The following ZNF510 variants were observed in gnomAD, a reference collection of about 807,000 sequenced individuals.
ZNF510 encodes the protein zinc finger protein 510.
ZNF510 carries 15 observed loss-of-function variants against 18.1 expected under a neutral mutation model. The observed-to-expected ratio is 0.83, with a 90% CI of 0.55 to 1.28. The LOEUF (loss-of-function observed/expected upper bound fraction) is 1.28. ZNF510 is among the 50% of genes most tolerant of loss of function. The pLI, the probability that ZNF510 is intolerant of heterozygous loss-of-function variation, is 0.00. For synonymous variants in ZNF510, 261 were observed against 266.4 expected (o/e 0.98, Z 0.20); for missense variants, 724 against 791.8 (o/e 0.91, Z 1.03).
intron 3 of ZNF510, among the ~76,000 whole-genome samples, chr9:96,768,672 A>G (rs73656960): frequency 0.01 from 1,527 of 152,314 alleles, 26 homozygotes; most frequent in African/African-American, 0.035. Context: ...ACTAGAAAAC[A>G]CTGCTAGAAG....
At chr9:96,764,980 G>A (rs1849436976) in intron 3 of ZNF510, among the ~76,000 whole-genome samples, 1 of 150,694 alleles carries the variant, frequency 6.6e-6, no homozygotes, top group Non-Finnish European at 1.5e-5. Context: ...GGGTGTGGTG[G>A]TGAGTGCCTG....
chr9:96,763,440 T>C lies in ZNF510; in HGVS notation c.256+66A>G, dbSNP rs1272525102. ...ACTTTAAGTAAATTGTTCACATGTA[T>C]TGGCACTTAAAAAAGAAATACCTTC... On this transcript the variant is annotated intron_variant, in intron 4 of 5. Coordinates refer to ENST00000223428, the MANE Select transcript of ZNF510 (RefSeq NM_014930.3). 10 of 1,518,590 alleles carry C rather than the reference T, an allele frequency of 6.6e-6. No individual in the cohort carries two copies. In the South Asian group the frequency reaches 1.0e-4, roughly 16 times the overall value. The allele number at this position is 1,518,590 out of a possible 1,614,324, so 94.1% of individuals were successfully genotyped here. A position where few individuals can be genotyped will look rare whatever the true frequency, so the allele number is the denominator to read the frequency against.
intron 3 of ZNF510, 147 bp downstream of exon 3, chr9:96,774,641 C>T: frequency 1.5e-6 from 1 of 669,584 alleles, no homozygotes; most frequent in South Asian, 2.5e-5. Flanking sequence ...CTCCATCTTT[C>T]CACATGCCAA....
chr9:96,758,722 A>G lies in ZNF510; in HGVS notation c.*56T>C. The G allele has an allele frequency of 3.3e-6, 5 of 1,499,440 alleles. No individual in the cohort carries two copies. The highest frequency in any genetic ancestry group is 4.5e-6 in the Non-Finnish European group (5 of 1,123,552). 92.9% of individuals were successfully genotyped at this position (1,499,440 alleles called of 1,614,324 possible). On this transcript the variant is annotated 3_prime_UTR_variant, in exon 6 of 6. Transcript: ENST00000223428. ...ACTACCCTCAATTGGTTTTTTGTGT[A>G]TCTCTGATATCAAATGGGGTATTCC...
At chr9:96,764,430 G>T (rs1849422650) in intron 3 of ZNF510, among the ~76,000 whole-genome samples, 2 of 152,326 alleles carry the variant, frequency 1.3e-5, no homozygotes, top group Admixed American at 6.5e-5. Flanking sequence ...GGGATTATAA[G>T]TGTGAGTCAC....
chr9:96,759,879 G>A lies in ZNF510; in HGVS notation c.951C>T (p.Ser317=). 2.5e-6 allele frequency: 4 copies of A among 1,613,234 alleles called. No homozygotes were observed. Among genetic ancestry groups the A allele is most frequent in the Non-Finnish European group, 3.4e-6 (4 of 1,179,958 alleles). The change falls in exon 6 of 6, where the codon TCC becomes TCT. Residue 317 remains serine, a synonymous_variant. Coordinates refer to ENST00000223428, the MANE Select transcript of ZNF510 (RefSeq NM_014930.3). ...KHLHLNQCGK[S]FEKSTVEEYN... ...ATTCCTCCACAGTTGACTTCTCAAA[G>A]GATTTCCCACATTGATTAAGATGCA...
rs763517302 is a variant in ZNF510 at position 96,763,140 on chromosome 9, T to C, written c.330A>G (p.Glu110=). The C allele has an allele frequency of 6.2e-6, 10 of 1,613,968 alleles. No individual in the cohort carries two copies. The highest frequency in any genetic ancestry group is 1.7e-5 in the Admixed American group (1 of 60,000). Residue 110 remains glutamate, a synonymous_variant, in exon 5 of 6, where the codon GAA becomes GAG. Transcript: ENST00000223428. ...CACTTGGGTGACTCTGGTTTGAGAA[T>C]TCCTCCTCTGAGAACCAAGGCTCCT... The part of the protein sequence containing the change: ...QGEEPWFSEE[E]FSNQSHPKDY...
chr9:96,762,727 T>C (rs1228599765), intron 5 of ZNF510, among the ~76,000 whole-genome samples: 3 of 152,182 alleles, frequency 2.0e-5, no homozygotes, highest in Admixed American at 1.3e-4. Context: ...ACTAATGAGA[T>C]TGAACACATT....
At chr9:96,761,156 C>CG (rs1849338560) in intron 5 of ZNF510, among the ~76,000 whole-genome samples, 2 of 152,140 alleles carry the variant, frequency 1.3e-5, no homozygotes, top group Non-Finnish European at 2.9e-5. Flanking sequence ...ATGCAACTAA[C>CG]TTAGATGCAC....
At chr9:96,761,189 C>T (rs1007546031) in intron 5 of ZNF510, among the ~76,000 whole-genome samples, 2 of 152,146 alleles carry the variant, frequency 1.3e-5, no homozygotes, top group Admixed American at 1.3e-4. Flanking sequence ...GCTGTCATAG[C>T]ATTGATTTAT....
At chr9:96,771,402 T>C (rs577219285) in intron 3 of ZNF510, among the ~76,000 whole-genome samples, 2 of 148,020 alleles carry the variant, frequency 1.4e-5, no homozygotes, top group Admixed American at 6.7e-5. Flanking sequence ...GAAGCAAGAA[T>C]AGCCATCTGA....
At position 96,759,449 on chromosome 9, in the gene ZNF510, T is replaced by C. The variant is rs1184603457; in HGVS notation, c.1381A>G (p.Lys461Glu). The change falls in exon 6 of 6, where the codon AAA becomes GAA. Residue 461 changes from lysine to glutamate, a missense_variant. Physicochemically the swap from Lys to Glu is moderately conservative, Grantham distance 56. Transcript: ENST00000223428. Reference protein sequence around the residue: ...QRIHTAEKPYKCNECGKTFVQ... With the variant: ...QRIHTAEKPYECNECGKTFVQ... ...AATGTTTTTCCACATTCATTACATTTATAGGGTTTTTCTGCTGTATGAATT... is the reference window on the plus strand; with the variant it reads ...AATGTTTTTCCACATTCATTACATTCATAGGGTTTTTCTGCTGTATGAATT... 10 of 1,613,984 alleles carry C rather than the reference T, an allele frequency of 6.2e-6. No individual in the cohort carries two copies. Among genetic ancestry groups the C allele is most frequent in the Non-Finnish European group, 8.5e-6 (10 of 1,179,996 alleles).
intron 3 of ZNF510, among the ~76,000 whole-genome samples, chr9:96,771,018 C>T (rs1277222374): frequency 1.3e-5 from 2 of 152,150 alleles, no homozygotes; most frequent in Admixed American, 6.5e-5. Context: ...ACAAGAAAAA[C>T]TCCAATGCTA....
Position 96,758,852 on chromosome 9 carries a change from C to T in ZNF510, c.1978G>A (p.Glu660Lys). 6.2e-7 allele frequency: 1 copy of T among 1,613,846 alleles called. No individual in the cohort carries two copies. The highest frequency in any genetic ancestry group is 8.5e-7 in the Non-Finnish European group (1 of 1,179,884). ...GACTTCTTACATAATTTCCCATATT[C>T]ATTGCATTCATAAGATTTCTCCCCA... ...HSGEKSYECN[E>K]YGKLCKKSTL... The change falls in exon 6 of 6, where the codon GAA (glutamate) becomes AAA (lysine). Residue 660 changes from glutamate (E) to lysine (K), a missense_variant. Glu to Lys is a moderately conservative substitution (Grantham distance 56). Coordinates refer to ENST00000223428, the MANE Select transcript of ZNF510 (RefSeq NM_014930.3).
chr9:96,764,632 AAAT>A (rs537107587), intron 3 of ZNF510, among the ~76,000 whole-genome samples: 1 of 152,198 alleles, frequency 6.6e-6, no homozygotes, highest in Non-Finnish European at 1.5e-5. Context: ...TCTCTGGACT[AAAT>A]AATAGTATTA....
At chr9:96,768,532 C>T (rs1849522613) in intron 3 of ZNF510, among the ~76,000 whole-genome samples, 1 of 152,046 alleles carries the variant, frequency 6.6e-6, no homozygotes, top group Admixed American at 6.5e-5. Context: ...GATGAACACA[C>T]AAGAATCATT....
chr9:96,758,755 A>G lies in ZNF510; in HGVS notation c.*23T>C. On this transcript the variant is annotated 3_prime_UTR_variant, in exon 6 of 6. Coordinates refer to ENST00000223428, the MANE Select transcript of ZNF510 (RefSeq NM_014930.3). ...TATCAAATGGGGTATTCCTTTTGTC[A>G]AAAGGATTTTCTAGTTATTACATCA... 1 of 1,529,674 alleles carries G rather than the reference A, an allele frequency of 6.5e-7. No individual in the cohort carries two copies. The highest frequency in any genetic ancestry group is 8.8e-7 in the Non-Finnish European group (1 of 1,142,134). The allele number at this position is 1,529,674 out of a possible 1,614,324, so 94.8% of individuals were successfully genotyped here. A position where few individuals can be genotyped will look rare whatever the true frequency, so the allele number is the denominator to read the frequency against.
intron 3 of ZNF510, among the ~76,000 whole-genome samples, chr9:96,764,790 A>G (rs1654325606): frequency 6.6e-6 from 1 of 152,180 alleles, no homozygotes; most frequent in South Asian, 2.1e-4. Context: ...TATCATATAC[A>G]GTAGACTTTA....
At position 96,755,958 on chromosome 9, in the gene ZNF510, T is replaced by G. The variant is rs1197904476; in HGVS notation, c.*2820A>C. 2 of 152,158 alleles carry G rather than the reference T, an allele frequency of 1.3e-5. No homozygotes were observed. The highest frequency in any genetic ancestry group is 4.8e-5 in the African/African-American group (2 of 41,440). The allele number at this position is 152,158 out of a possible 1,614,324, so 9.4% of individuals were successfully genotyped here. On this transcript the variant is annotated 3_prime_UTR_variant, in exon 6 of 6. Transcript: ENST00000223428. The stretch of plus-strand genomic sequence containing the variant: ...ACCCAGTGTCACATGGGTGATTTTT[T>G]GCCATACCAGTAAAATGATGGATCC...
Sources: gnomAD v4.1 joint callset for allele counts (sites outside exome capture counted in the v4.1 genomes callset) on GRCh38, gnomAD v4.1.1 for gene constraint, MANE v1.5 for transcripts, NCBI Gene and HGNC (gene_info 2026-07-23, HGNC 2026-07-21) for gene names.